The following DNAJC21 variants were observed in gnomAD, a reference collection of about 807,000 sequenced individuals.
DNAJC21 encodes the protein dnaJ homolog subfamily C member 21.
DNAJC21 carries 63 observed loss-of-function variants against 72.4 expected under a neutral mutation model. That is an observed-to-expected ratio of 0.87 (90% CI 0.71 to 1.07). The LOEUF (loss-of-function observed/expected upper bound fraction) is 1.07, where lower values mean the gene tolerates loss of function less well. Ranked by LOEUF, DNAJC21 falls within the 50% of genes least tolerant of loss-of-function variation. The pLI, the probability that DNAJC21 is intolerant of heterozygous loss-of-function variation, is 0.00. For synonymous variants in DNAJC21, 203 were observed against 216.7 expected, an observed-to-expected ratio of 0.94 and a Z score of 0.56; for missense variants, 634 against 644.8, an observed-to-expected ratio of 0.98 and a Z score of 0.18.
chr5:34,951,323 G>T, intron 10 of DNAJC21: 1 of 985,356 alleles, frequency 1.0e-6, no homozygotes, highest in Non-Finnish European at 1.2e-6. Flanking sequence ...CTGAATTTCA[G>T]GTTAATTGTC....
chr5:34,957,059 A>G lies in DNAJC21; in HGVS notation c.*2345A>G, dbSNP rs965859739. On this transcript the variant is annotated 3_prime_UTR_variant, in exon 12 of 12. Coordinates refer to ENST00000648817, the MANE Select transcript of DNAJC21 (RefSeq NM_001012339.3). ...CTATACATGTTGGATTAAATGGGCA[A>G]TTAAGTTTTATAGGAATTTGCTTCC... is the stretch of plus-strand genomic sequence containing the variant. 5 of 152,212 alleles carry G rather than the reference A, an allele frequency of 3.3e-5. No individual in the cohort carries two copies. Among genetic ancestry groups the G allele is most frequent in the Admixed American group, 2.0e-4 (3 of 15,274 alleles). The allele number at this position is 152,212 out of a possible 1,614,324, so 9.4% of individuals were successfully genotyped here.
In DNAJC21 at chr5:34,947,694, A is replaced by G. The variant is rs561757930; in HGVS notation, c.1185+1891A>G. On this transcript the variant is annotated intron_variant, in intron 9 of 11. Coordinates refer to ENST00000648817, the MANE Select transcript of DNAJC21 (RefSeq NM_001012339.3). ...TTTTTGAAGAGATTATCTTTTCTCTATCATGTGCTCATGGCAACTTTGTGG... is the reference window on the plus strand; with the variant it reads ...TTTTTGAAGAGATTATCTTTTCTCTGTCATGTGCTCATGGCAACTTTGTGG... Among the ~76,000 whole-genome samples the G allele has an allele frequency of 1.6e-4, 19 of 120,390 alleles. No homozygotes were observed. The East Asian group carries it at 1.8e-3, about 12-fold the overall frequency. 79.0% of individuals were successfully genotyped at this position (120,390 alleles called of 152,430 possible). A position where few individuals can be genotyped will look rare whatever the true frequency, so the allele number is the denominator to read the frequency against.
chr5:34,931,684 A>G (rs1193939396), intron 1 of DNAJC21, among the ~76,000 whole-genome samples: 1 of 152,112 alleles, frequency 6.6e-6, no homozygotes, highest in Non-Finnish European at 1.5e-5. Context: ...CTGCCATGGG[A>G]GAGTACTATG....
chr5:34,952,071 C>T (rs1254410327), intron 10 of DNAJC21: 6 of 985,232 alleles, frequency 6.1e-6, no homozygotes, highest in African/African-American at 1.7e-5. Flanking sequence ...TCTGTTGCTT[C>T]TCTGGAGTGG....
intron 10 of DNAJC21, chr5:34,951,046 G>C: frequency 1.0e-6 from 1 of 985,510 alleles, no homozygotes; most frequent in Non-Finnish European, 1.2e-6. Flanking sequence ...GGAGCATGAC[G>C]TGAAAATGCT....
chr5:34,936,853 C>T (rs187740250), intron 4 of DNAJC21, among the ~76,000 whole-genome samples: 2 of 152,240 alleles, frequency 1.3e-5, no homozygotes, highest in Admixed American at 6.5e-5. Context: ...CGGGTTCAAG[C>T]GATTCTCCTG....
chr5:34,934,710 C>T (rs1764712809), intron 2 of DNAJC21, among the ~76,000 whole-genome samples: 1 of 152,088 alleles, frequency 6.6e-6, no homozygotes, highest in South Asian at 2.1e-4. Flanking sequence ...TAACTTTTTG[C>T]TACAAGGAAA....
chr5:34,947,290 A>G (rs568270479), intron 9 of DNAJC21, among the ~76,000 whole-genome samples: 2 of 152,340 alleles, frequency 1.3e-5, no homozygotes, highest in East Asian at 3.9e-4. Context: ...CTTCCAAGGG[A>G]TATAGTTGAA....
chr5:34,936,054 C>G, intron 3 of DNAJC21, 90 bp from the exon 4 acceptor site: 2 of 1,527,806 alleles, frequency 1.3e-6, no homozygotes, highest in Non-Finnish European at 1.8e-6. Flanking sequence ...AATTCTTCAA[C>G]ATTAAAATTT....
intron 9 of DNAJC21, among the ~76,000 whole-genome samples, chr5:34,949,914 TTGAG>T: frequency 6.6e-6 from 1 of 152,356 alleles, no homozygotes; most frequent in South Asian, 2.1e-4. Flanking sequence ...TTTCACATAA[TTGAG>T]TATCTTTGGA....
At chr5:34,942,759 C>A (rs1765039803) in intron 7 of DNAJC21, among the ~76,000 whole-genome samples, 1 of 152,112 alleles carries the variant, frequency 6.6e-6, no homozygotes, top group East Asian at 1.9e-4. Flanking sequence ...CTAAATACTT[C>A]ACTATATCTT....
In DNAJC21 at chr5:34,954,702, TAA is replaced by T. The variant is rs1200582748; in HGVS notation, c.1588_1589del (p.Asn530GlnfsTer14). 1 of 1,604,706 alleles carries T rather than the reference TAA, an allele frequency of 6.2e-7. No homozygotes were observed. Among genetic ancestry groups the T allele is most frequent in the Non-Finnish European group, 8.5e-7 (1 of 1,176,454 alleles). Reference sequence around the variant, plus strand: ...GTAGTCAAAGCAAGAAAGAGAAACGTAAAAACAGATAGAGATTCTGCCTGTGC... The same window carrying T: ...GTAGTCAAAGCAAGAAAGAGAAACGTAAACAGATAGAGATTCTGCCTGTGC... ...TSSQSKKEKR[K>X]NR On this transcript the variant is annotated frameshift_variant, in exon 12 of 12. Coordinates refer to ENST00000648817, the MANE Select transcript of DNAJC21 (RefSeq NM_001012339.3). LOFTEE classifies it high-confidence loss of function.
chr5:34,935,335 A>C (rs1367540656), intron 2 of DNAJC21, among the ~76,000 whole-genome samples: 1 of 152,190 alleles, frequency 6.6e-6, no homozygotes, highest in Non-Finnish European at 1.5e-5. Flanking sequence ...ATTCCAGTGC[A>C]TCTTGGTAAA....
intron 8 of DNAJC21, 28 bp downstream of exon 8, chr5:34,945,053 A>C: frequency 6.2e-7 from 1 of 1,604,784 alleles, no homozygotes; most frequent in Non-Finnish European, 8.5e-7. Flanking sequence ...ATGTCACTAG[A>C]AATACTTATC....
chr5:34,934,394 AT>A (rs375582769), intron 2 of DNAJC21, among the ~76,000 whole-genome samples: 678 of 134,364 alleles, frequency 5.0e-3, no homozygotes, highest in African/African-American at 6.7e-3. Context: ...ACACACCTGT[AT>A]TTTTTTTTTT....
chr5:34,943,866 A>G (rs982845625), intron 7 of DNAJC21, among the ~76,000 whole-genome samples: 2 of 152,250 alleles, frequency 1.3e-5, no homozygotes, highest in East Asian at 3.9e-4. Context: ...TTCATGCTCA[A>G]ATTTTTCCAG....
Position 34,937,456 on chromosome 5 carries a change from A to C in DNAJC21, c.569A>C (p.Lys190Thr). 1 of 1,614,218 alleles carries C rather than the reference A, an allele frequency of 6.2e-7. No homozygotes were observed. The highest frequency in any genetic ancestry group is 8.5e-7 in the Non-Finnish European group (1 of 1,180,006). The change falls in exon 5 of 12, where the codon AAG becomes ACG. Residue 190 changes from lysine to threonine, a missense_variant. Physicochemically the swap from Lys to Thr is moderately conservative, Grantham distance 78. Coordinates refer to ENST00000648817, the MANE Select transcript of DNAJC21 (RefSeq NM_001012339.3). Reference sequence around the variant, plus strand: ...CGAGCCATGGAAAAAGAAAACAAAAAGATTCGGGACAAAGCAAGGAAAGAG... The same window carrying C: ...CGAGCCATGGAAAAAGAAAACAAAACGATTCGGGACAAAGCAAGGAAAGAG... ...EKRAMEKENK[K>T]IRDKARKEKN...
chr5:34,949,473 G>A, intron 9 of DNAJC21: 1 of 1,544,736 alleles, frequency 6.5e-7, no homozygotes, highest in Non-Finnish European at 8.8e-7. Flanking sequence ...AATGTGGGTT[G>A]TGTAACAGAT....
chr5:34,933,421 G>A lies in DNAJC21; in HGVS notation c.98-394G>A, dbSNP rs777033979. 1.3e-5 allele frequency among the ~76,000 whole-genome samples: 2 copies of A among 152,100 alleles called. 1 individual carries two copies. The highest frequency in any genetic ancestry group is 2.9e-5 in the Non-Finnish European group (2 of 68,028). ...CGAGTAGTTGGGACTACAGGCATGC[G>A]CCACCACACTGGGCTAATCTTTTGT... On this transcript the variant is annotated intron_variant, in intron 1 of 11. Coordinates refer to ENST00000648817, the MANE Select transcript of DNAJC21 (RefSeq NM_001012339.3).
Sources: allele counts gnomAD v4.1 joint callset (sites outside exome capture counted in the v4.1 genomes callset), GRCh38; gene constraint gnomAD v4.1.1; transcripts MANE v1.5; gene names NCBI Gene and HGNC (gene_info 2026-07-23, HGNC 2026-07-21).